The following STK10 variants were observed in gnomAD, a reference collection of about 807,000 sequenced individuals.
The protein encoded by STK10 is serine/threonine-protein kinase 10.
Under a neutral mutation model 113.8 loss-of-function variants are expected in STK10, and 78 were observed. The observed-to-expected ratio is 0.69, with a 90% confidence interval of 0.57 to 0.83. The LOEUF (loss-of-function observed/expected upper bound fraction) is 0.83, where lower values mean the gene tolerates loss of function less well. Ranked by LOEUF, STK10 falls within the 40% of genes least tolerant of loss-of-function variation. STK10 has a pLI of 0.00. For synonymous variants in STK10, 465 were observed against 494.7 expected (o/e 0.94, Z 0.80); for missense variants, 1,109 against 1,280.1 (o/e 0.87, Z 2.04).
At chr5:172,176,235 G>A (rs1317193541) in intron 1 of STK10, among the ~76,000 whole-genome samples, 1 of 152,192 alleles carries the variant, frequency 6.6e-6, no homozygotes, top group Non-Finnish European at 1.5e-5. Flanking sequence ...AGCCAGGCTT[G>A]AACTGCAGGA....
intron 2 of STK10, among the ~76,000 whole-genome samples, chr5:172,147,681 T>C (rs539801326): frequency 5.8e-4 from 88 of 152,298 alleles, no homozygotes; most frequent in Non-Finnish European, 1.1e-3. Flanking sequence ...CGTGAGCCAC[T>C]GTGCCCAGCC....
chr5:172,141,826 G>A (rs113396732), intron 2 of STK10, among the ~76,000 whole-genome samples: 81 of 152,238 alleles, frequency 5.3e-4, no homozygotes, highest in African/African-American at 1.7e-3. Context: ...TCTGGCTGAG[G>A]GCCAAAGGAA....
At chr5:172,098,396 T>G (rs1193655008) in intron 7 of STK10, among the ~76,000 whole-genome samples, 1 of 152,086 alleles carries the variant, frequency 6.6e-6, no homozygotes, top group Non-Finnish European at 1.5e-5. Flanking sequence ...GCACAGAGAA[T>G]TCCAGGCAGA....
At chr5:172,048,229 G>T (rs1228841190) in intron 18 of STK10, among the ~76,000 whole-genome samples, 1 of 152,032 alleles carries the variant, frequency 6.6e-6, no homozygotes, top group Non-Finnish European at 1.5e-5. Flanking sequence ...TCATCATGTG[G>T]GTGGGCCTCA....
At chr5:172,127,257 C>G in intron 3 of STK10, 116 bp downstream of exon 3, 2 of 1,115,384 alleles carry the variant, frequency 1.8e-6, no homozygotes, top group South Asian at 2.8e-5. Context: ...GCCATGGGAA[C>G]TGATGGAATG....
intron 1 of STK10, among the ~76,000 whole-genome samples, chr5:172,181,628 C>T (rs376650187): frequency 6.6e-6 from 1 of 151,288 alleles, no homozygotes; most frequent in East Asian, 2.0e-4. Context: ...GGATTACAGG[C>T]GCCCACCACC....
intron 12 of STK10, among the ~76,000 whole-genome samples, chr5:172,072,784 A>G (rs1438809590): frequency 6.6e-6 from 1 of 152,166 alleles, no homozygotes; most frequent in African/African-American, 2.4e-5. Flanking sequence ...TAAAGCAATT[A>G]AAAAATAAAA....
At chr5:172,153,340 C>T (rs1223492549) in intron 2 of STK10, among the ~76,000 whole-genome samples, 1 of 143,446 alleles carries the variant, frequency 7.0e-6, no homozygotes, top group Non-Finnish European at 1.5e-5. Context: ...TAAAATGATG[C>T]ATGTGGCTCA....
chr5:172,187,790 C>T lies in STK10; in HGVS notation c.156+97G>A. ...ACCCCGAATTCAGCGCCGGGCAGCC[C>T]TCGGAGCCGGAGCCAGGCTGGCCGG... On this transcript the variant is annotated intron_variant, in intron 1 of 18. Coordinates refer to ENST00000176763, the MANE Select transcript of STK10 (RefSeq NM_005990.4). This position sits in a 1 kb window ranked among gnomAD's most constrained non-coding sequence, Gnocchi z 4.6. 2 of 1,523,168 alleles carry T rather than the reference C, an allele frequency of 1.3e-6. No individual in the cohort carries two copies. Among genetic ancestry groups the T allele is most frequent in the Non-Finnish European group, 1.8e-6 (2 of 1,131,332 alleles). The allele number at this position is 1,523,168 out of a possible 1,614,324, so 94.4% of individuals were successfully genotyped here. A position where few individuals can be genotyped will look rare whatever the true frequency, so the allele number is the denominator to read the frequency against.
intron 2 of STK10, among the ~76,000 whole-genome samples, chr5:172,138,939 A>T (rs1462597878): frequency 6.6e-6 from 1 of 152,168 alleles, no homozygotes; most frequent in African/African-American, 2.4e-5. Flanking sequence ...GTGTGAACCC[A>T]GGAGGCGGAG....
intron 7 of STK10, among the ~76,000 whole-genome samples, chr5:172,105,139 CT>C (rs1769068867): frequency 6.6e-6 from 1 of 151,694 alleles, no homozygotes; most frequent in African/African-American, 2.4e-5. Flanking sequence ...CTCCCCTCCC[CT>C]GGCCCCTGTG....
chr5:172,074,485 T>C (rs1768266190), intron 12 of STK10, among the ~76,000 whole-genome samples: 1 of 152,094 alleles, frequency 6.6e-6, no homozygotes, highest in African/African-American at 2.4e-5. Context: ...TAATCAGACA[T>C]CCATAGGCAA....
At position 172,158,671 on chromosome 5, in the gene STK10, C is replaced by T. The variant is rs552716693; in HGVS notation, c.157-1883G>A. On this transcript the variant is annotated intron_variant, in intron 1 of 18. Transcript: ENST00000176763. ...AAAAGATGAATGAATAAACAAAATGCGGTATATCCACACACTAAAATATTC... is the reference window on the plus strand; with the variant it reads ...AAAAGATGAATGAATAAACAAAATGTGGTATATCCACACACTAAAATATTC... Among the ~76,000 whole-genome samples the T allele has an allele frequency of 1.1e-3, 167 of 152,054 alleles. 1 individual carries two copies. Among genetic ancestry groups the T allele is most frequent in the African/African-American group, 3.3e-3 (135 of 41,498 alleles).
At position 172,082,302 on chromosome 5, in the gene STK10, T is replaced by G. The variant is rs778363517; in HGVS notation, c.1989+24A>C. On this transcript the variant is annotated intron_variant, in intron 12 of 18. Coordinates refer to ENST00000176763, the MANE Select transcript of STK10 (RefSeq NM_005990.4). The surrounding 1 kb of genome is among the most constrained non-coding windows in gnomAD (Gnocchi z 4.3). The stretch of plus-strand genomic sequence containing the variant: ...GGCCCCTAATACTCCGAGATGCCCC[T>G]GCCCCCACTGAGCACATACTCACCT... The G allele has an allele frequency of 6.7e-7, 1 of 1,500,318 alleles. No homozygotes were observed. Among genetic ancestry groups the G allele is most frequent in the Non-Finnish European group, 8.9e-7 (1 of 1,124,228 alleles). The allele number at this position is 1,500,318 out of a possible 1,614,324, so 92.9% of individuals were successfully genotyped here.
chr5:172,055,818 T>G (rs534237102), intron 15 of STK10, 42 bp from the exon 16 acceptor site: 2 of 1,398,922 alleles, frequency 1.4e-6, no homozygotes, highest in African/African-American at 2.9e-5. Flanking sequence ...AGCTGCACTC[T>G]GGACTCAGAG....
At position 172,044,223 on chromosome 5, in the gene STK10, G is replaced by A. The variant is rs1461641304; in HGVS notation, c.*659C>T. The stretch of plus-strand genomic sequence containing the variant: ...GCATTCACACCCATGTGCAGGAAGG[G>A]GGACGCGAGATGGCATGAAACACGG... On this transcript the variant is annotated 3_prime_UTR_variant, in exon 19 of 19. Coordinates refer to ENST00000176763, the MANE Select transcript of STK10 (RefSeq NM_005990.4). This position sits in a 1 kb window ranked among gnomAD's most constrained non-coding sequence, Gnocchi z 4.5. The A allele has an allele frequency of 1.9e-5, 3 of 155,046 alleles. No individual in the cohort carries two copies. The highest frequency in any genetic ancestry group is 4.3e-5 in the Non-Finnish European group (3 of 69,892). 9.6% of individuals were successfully genotyped at this position (155,046 alleles called of 1,614,324 possible).
At chr5:172,081,893 C>T (rs146188352) in intron 12 of STK10, among the ~76,000 whole-genome samples, 1 of 152,306 alleles carries the variant, frequency 6.6e-6, no homozygotes, top group Non-Finnish European at 1.5e-5. Context: ...CTCCCCTTCC[C>T]CTTCCAACAT....
intron 18 of STK10, among the ~76,000 whole-genome samples, chr5:172,046,868 G>A (rs918943693): frequency 6.6e-6 from 1 of 152,156 alleles, no homozygotes; most frequent in Non-Finnish European, 1.5e-5. Context: ...GCAGTGGTTT[G>A]CTAACACCTA....
rs371987538 is a variant in STK10 at position 172,055,567 on chromosome 5, C to T, written c.2526+21G>A. On this transcript the variant is annotated intron_variant, in intron 16 of 18. Coordinates refer to ENST00000176763, the MANE Select transcript of STK10 (RefSeq NM_005990.4). The stretch of plus-strand genomic sequence containing the variant: ...GCCTACACCCCAGCACACTTGCAGA[C>T]CCCGCAGGCCCGGCCCCCACCTGCT... The T allele has an allele frequency of 2.8e-5, 40 of 1,432,290 alleles. 1 individual carries two copies. Among genetic ancestry groups the T allele is most frequent in the East Asian group, 1.8e-4 (7 of 38,044 alleles). The allele number at this position is 1,432,290 out of a possible 1,614,324, so 88.7% of individuals were successfully genotyped here.
Sources: gnomAD v4.1 joint callset for allele counts (sites outside exome capture counted in the v4.1 genomes callset) on GRCh38, gnomAD v4.1.1 for gene constraint, Gnocchi (gnomAD v3.1) non-coding constraint, MANE v1.5 for transcripts, NCBI Gene and HGNC (gene_info 2026-07-23, HGNC 2026-07-21) for gene names.